ABCC1: variants seen among roughly 807,000 people sequenced by gnomAD.
ABCC1 encodes the protein ATP binding cassette subfamily C member 1 (ABCC1 blood group).
ABCC1 carries 83 observed loss-of-function variants against 172.9 expected under a neutral mutation model. The ratio of observed to expected loss-of-function variants is 0.48; its 90% CI spans 0.40 to 0.58. The LOEUF is 0.58. ABCC1 is among the 20% of genes least tolerant of loss of function. The pLI, the probability that ABCC1 is intolerant of heterozygous loss-of-function variation, is 0.00. For missense variants in ABCC1, 1,817 were observed against 2,002.7 expected, an observed-to-expected ratio of 0.91 and a Z score of 1.77; for synonymous variants, 937 against 825.2, an observed-to-expected ratio of 1.14 and a Z score of -2.32.
intron 1 of ABCC1, among the ~76,000 whole-genome samples, chr16:15,974,734 G>A (rs1037408851): frequency 6.6e-6 from 1 of 152,158 alleles, no homozygotes; most frequent in Non-Finnish European, 1.5e-5. Context: ...TAGCAAAATA[G>A]GAAGAAACAG....
chr16:16,038,678 C>T (rs1472737965), intron 7 of ABCC1, among the ~76,000 whole-genome samples: 1 of 152,154 alleles, frequency 6.6e-6, no homozygotes, highest in East Asian at 1.9e-4. Flanking sequence ...ATCCCTTAAC[C>T]CAGTCAACTT....
chr16:16,032,139 T>C (rs1207233865), intron 5 of ABCC1, among the ~76,000 whole-genome samples: 2 of 152,096 alleles, frequency 1.3e-5, no homozygotes, highest in Admixed American at 6.6e-5. Flanking sequence ...TACAGGCGCC[T>C]GCCACCACAT....
At chr16:16,070,101 G>T (rs1376381409) in intron 13 of ABCC1, among the ~76,000 whole-genome samples, 3 of 152,130 alleles carry the variant, frequency 2.0e-5, no homozygotes, top group Non-Finnish European at 1.5e-5. Context: ...GCATTTTTTG[G>T]CTGGGCGCAG....
intron 21 of ABCC1, among the ~76,000 whole-genome samples, chr16:16,110,709 C>G (rs940539575): frequency 6.6e-6 from 1 of 152,154 alleles, no homozygotes; most frequent in Non-Finnish European, 1.5e-5. Flanking sequence ...TCTTTAATGT[C>G]ACTTCCTCGA....
rs199706891 is a variant in ABCC1, at chr16:16,121,955, G to A, written c.3391-20G>A. On this transcript the variant is annotated intron_variant, in intron 23 of 30. Coordinates refer to ENST00000399410, the MANE Select transcript of ABCC1 (RefSeq NM_004996.4). ...AGGAGGGAACCTTCATCAACTCCCCGCGTCTGTTCTCTACCCCAGAGGTTC... is the reference window on the plus strand; with the variant it reads ...AGGAGGGAACCTTCATCAACTCCCCACGTCTGTTCTCTACCCCAGAGGTTC... 78 of 1,613,662 alleles carry A rather than the reference G, an allele frequency of 4.8e-5. No individual in the cohort carries two copies. The highest frequency in any genetic ancestry group is 1.5e-4 in the South Asian group (14 of 91,066).
intron 28 of ABCC1, 146 bp downstream of exon 28, chr16:16,134,654 T>C (rs2045848280): frequency 2.2e-6 from 2 of 927,612 alleles, no homozygotes; most frequent in Non-Finnish European, 3.0e-6. Flanking sequence ...TTTTTTTTCC[T>C]GAAACAGGGT....
At chr16:16,050,171 T>C (rs892035271) in intron 10 of ABCC1, among the ~76,000 whole-genome samples, 2 of 152,272 alleles carry the variant, frequency 1.3e-5, no homozygotes, top group African/African-American at 4.8e-5. Context: ...TTATCTGTTA[T>C]TGAAAGAGAA....
chr16:16,090,000 A>G (rs902190876), intron 18 of ABCC1, among the ~76,000 whole-genome samples: 21 of 152,278 alleles, frequency 1.4e-4, no homozygotes, highest in African/African-American at 5.1e-4. Flanking sequence ...TTGTTAAAAA[A>G]TAACCTTCCC....
rs367691591 is a variant in ABCC1 at position 16,093,912 on chromosome 16, C to T, written c.2644+3324C>T. On this transcript the variant is annotated intron_variant, in intron 19 of 30. Coordinates refer to ENST00000399410, the MANE Select transcript of ABCC1 (RefSeq NM_004996.4). ...TGTGAATGGGGCCATACCGACCTCT[C>T]TCCCGGGATATTCAGTTTACTGATT... Among the ~76,000 whole-genome samples, 78 of 150,752 alleles carry T rather than the reference C, an allele frequency of 5.2e-4. 3 individuals are homozygous for T. In the South Asian group the frequency reaches 0.016, roughly 32 times the overall value.
At chr16:16,056,909 G>C (rs1043602642) in intron 12 of ABCC1, among the ~76,000 whole-genome samples, 1 of 152,146 alleles carries the variant, frequency 6.6e-6, no homozygotes, top group African/African-American at 2.4e-5. Flanking sequence ...GAGCTGAGTC[G>C]AACGGCACGC....
chr16:16,079,265 G>A, intron 15 of ABCC1, 87 bp from the exon 16 acceptor site: 2 of 1,557,628 alleles, frequency 1.3e-6, no homozygotes, highest in South Asian at 2.3e-5. Context: ...TTCTCTACTT[G>A]GGGTAAATTG....
At chr16:16,134,163 C>A (rs1015706946) in intron 27 of ABCC1, among the ~76,000 whole-genome samples, 187 bp from the exon 28 acceptor site, 3 of 152,238 alleles carry the variant, frequency 2.0e-5, no homozygotes, top group Middle Eastern at 3.4e-3. Context: ...GGAAGAGAGT[C>A]CTTCTTGACC....
chr16:16,053,172 T>G (rs900631073), intron 11 of ABCC1, among the ~76,000 whole-genome samples: 2 of 152,222 alleles, frequency 1.3e-5, no homozygotes, highest in Non-Finnish European at 2.9e-5. Flanking sequence ...TCTTGTTTAT[T>G]ATGTGTATGT....
chr16:16,047,802 C>G (rs1217233910), intron 9 of ABCC1, among the ~76,000 whole-genome samples: 1 of 151,946 alleles, frequency 6.6e-6, no homozygotes, highest in Non-Finnish European at 1.5e-5. Context: ...CCCAGACTTG[C>G]AGAATCCAAA....
At chr16:16,019,844 C>G (rs2048134208) in intron 5 of ABCC1, among the ~76,000 whole-genome samples, 1 of 152,106 alleles carries the variant, frequency 6.6e-6, no homozygotes, top group African/African-American at 2.4e-5. Flanking sequence ...ACTCTTCTCC[C>G]CAGTCATTGT....
At chr16:16,108,227 G>T (rs915487700) in intron 21 of ABCC1, among the ~76,000 whole-genome samples, 1 of 151,010 alleles carries the variant, frequency 6.6e-6, no homozygotes, top group Non-Finnish European at 1.5e-5. Flanking sequence ...GTCAAAGTTG[G>T]ACCCAGAGTG....
Position 16,142,573 on chromosome 16 carries a change from C to T in ABCC1, c.*1292C>T, listed in dbSNP as rs563587449. On this transcript the variant is annotated 3_prime_UTR_variant, in exon 31 of 31. Transcript: ENST00000399410. ...TAGTTACTGATGCTCTTCCAGGACA[C>T]GAAAAGAACCCATCTTTGAATATCA... The T allele has an allele frequency of 6.6e-6, 1 of 151,050 alleles. No individual in the cohort carries two copies. The highest frequency in any genetic ancestry group is 2.4e-5 in the African/African-American group (1 of 41,094). 9.4% of individuals were successfully genotyped at this position (151,050 alleles called of 1,614,324 possible). A position where few individuals can be genotyped will look rare whatever the true frequency, so the allele number is the denominator to read the frequency against.
chr16:16,105,858 C>G (rs868639398), intron 20 of ABCC1, among the ~76,000 whole-genome samples: 1 of 148,680 alleles, frequency 6.7e-6, no homozygotes, highest in Non-Finnish European at 1.5e-5. Flanking sequence ...AAGCTCATGA[C>G]CACTGATGTG....
At chr16:16,079,524 C>A in intron 16 of ABCC1, 46 bp downstream of exon 16, 2 of 1,584,362 alleles carry the variant, frequency 1.3e-6, no homozygotes, top group Non-Finnish European at 1.7e-6. Context: ...AGCTGGTGGT[C>A]TGAGGAAAAG....
Sources: gnomAD v4.1 joint callset for allele counts (sites outside exome capture counted in the v4.1 genomes callset) on GRCh38, gnomAD v4.1.1 for gene constraint, MANE v1.5 for transcripts, NCBI Gene and HGNC (gene_info 2026-07-23, HGNC 2026-07-21) for gene names.